The following KDM3B variants were observed in gnomAD, a reference collection of about 807,000 sequenced individuals.
KDM3B encodes lysine demethylase 3B, also known as lysine-specific demethylase 3B.
In KDM3B, 10 loss-of-function variants were observed where a neutral mutation model predicts 170.0. That is an observed-to-expected ratio of 0.06 (90% CI 0.04 to 0.10). KDM3B has a LOEUF of 0.10. KDM3B is among the 10% of genes least tolerant of loss of function. KDM3B has a pLI of 1.00. For synonymous variants in KDM3B, 831 were observed against 834.8 expected, an observed-to-expected ratio of 1.00 and a Z score of 0.08; for missense variants, 1,394 against 2,195.2, an observed-to-expected ratio of 0.64 and a Z score of 7.29.
chr5:138,365,258 TTTTC>T (rs1353048104), intron 1 of KDM3B, among the ~76,000 whole-genome samples: 1 of 152,168 alleles, frequency 6.6e-6, no homozygotes, highest in Non-Finnish European at 1.5e-5. Flanking sequence ...GGATTCTTTT[TTTTC>T]TTTCTTTCTT....
chr5:138,358,285 ATTTT>A (rs1328821275), intron 1 of KDM3B, among the ~76,000 whole-genome samples: 1 of 137,242 alleles, frequency 7.3e-6, no homozygotes, highest in African/African-American at 2.7e-5. Flanking sequence ...CTCGGCGGGA[ATTTT>A]TTTTCTTTCT....
At chr5:138,374,447 A>T in intron 2 of KDM3B, 1 of 283,074 alleles carries the variant, frequency 3.5e-6, no homozygotes, top group Non-Finnish European at 7.2e-6. Context: ...TTTAGTAGAG[A>T]CAGGGTTTCA....
At chr5:138,432,304 T>A (rs1224712452) in intron 23 of KDM3B, among the ~76,000 whole-genome samples, 1 of 152,174 alleles carries the variant, frequency 6.6e-6, no homozygotes, top group African/African-American at 2.4e-5. Flanking sequence ...AAGAACTGTA[T>A]CCCCTTGTAG....
intron 22 of KDM3B, among the ~76,000 whole-genome samples, chr5:138,430,677 G>T (rs2286058): frequency 6.6e-6 from 1 of 152,034 alleles, no homozygotes; most frequent in African/African-American, 2.4e-5. Flanking sequence ...GATCACCTGA[G>T]GTTGGGAGTT....
intron 23 of KDM3B, 30 bp downstream of exon 23, chr5:138,431,589 G>C (rs1367206228): frequency 2.6e-6 from 4 of 1,560,616 alleles, no homozygotes; most frequent in Non-Finnish European, 3.5e-6. Context: ...ACCCCACTCT[G>C]TCTTCTCATT....
intron 14 of KDM3B, among the ~76,000 whole-genome samples, chr5:138,419,718 TACACACACATACACAC>T (rs1763217174): frequency 1.6e-5 from 1 of 63,688 alleles, no homozygotes; most frequent in Non-Finnish European, 2.8e-5. Context: ...CACATATATA[TACACACACATACACAC>T]ACACACACAC....
At chr5:138,354,003 C>G (rs775862581) in intron 1 of KDM3B, among the ~76,000 whole-genome samples, 1 of 152,076 alleles carries the variant, frequency 6.6e-6, no homozygotes, top group Non-Finnish European at 1.5e-5. Flanking sequence ...TGTAATAGAT[C>G]AGCAAGCAGA....
intron 6 of KDM3B, among the ~76,000 whole-genome samples, chr5:138,385,661 G>A (rs1052322848): frequency 2.0e-5 from 3 of 152,206 alleles, no homozygotes; most frequent in African/African-American, 7.2e-5. Flanking sequence ...GTAATAAAGT[G>A]AGTTATTTCA....
At chr5:138,361,270 G>A (rs1336490236) in intron 1 of KDM3B, among the ~76,000 whole-genome samples, 1 of 151,926 alleles carries the variant, frequency 6.6e-6, no homozygotes, top group Non-Finnish European at 1.5e-5. Context: ...CTCTAGGTGG[G>A]TAAAACCTGC....
At chr5:138,432,147 T>TC (rs1303683931) in intron 23 of KDM3B, among the ~76,000 whole-genome samples, 3 of 152,134 alleles carry the variant, frequency 2.0e-5, no homozygotes, top group Non-Finnish European at 2.9e-5. Flanking sequence ...TAGACTGACC[T>TC]CCCCAAACAG....
At chr5:138,402,483 G>A (rs1040912375) in intron 11 of KDM3B, among the ~76,000 whole-genome samples, 4 of 152,140 alleles carry the variant, frequency 2.6e-5, no homozygotes, top group South Asian at 2.1e-4. Context: ...TTTCTTGTCT[G>A]TAAAACAAAG....
chr5:138,406,981 ATTTTTTTT>A (rs745918786), intron 11 of KDM3B, among the ~76,000 whole-genome samples: 4 of 119,048 alleles, frequency 3.4e-5, no homozygotes, highest in African/African-American at 1.3e-4. Context: ...TATGCCAATA[ATTTTTTTT>A]TTTTTTTTTT....
intron 9 of KDM3B, among the ~76,000 whole-genome samples, chr5:138,396,824 AC>A (rs1762559469): frequency 6.6e-6 from 1 of 152,172 alleles, no homozygotes; most frequent in African/African-American, 2.4e-5. Flanking sequence ...GAGGGAATGT[AC>A]CAAGAAACTG....
At chr5:138,370,758 T>C (rs1761852968) in intron 1 of KDM3B, among the ~76,000 whole-genome samples, 2 of 152,104 alleles carry the variant, frequency 1.3e-5, no homozygotes, top group African/African-American at 4.8e-5. Flanking sequence ...GTGGGGATTC[T>C]AATACTGTCC....
At chr5:138,409,667 T>C (rs1561784661) in intron 11 of KDM3B, among the ~76,000 whole-genome samples, 1 of 152,172 alleles carries the variant, frequency 6.6e-6, no homozygotes, top group Non-Finnish European at 1.5e-5. Flanking sequence ...TCTGTAATCC[T>C]AGCACTTTGG....
chr5:138,425,361 C>T (rs1763368396), intron 16 of KDM3B, 50 bp from the exon 17 acceptor site: 2 of 1,576,860 alleles, frequency 1.3e-6, no homozygotes, highest in Non-Finnish European at 1.7e-6. Context: ...AGCCCTAGAG[C>T]TGGAAGTTTT....
At chr5:138,368,046 A>G (rs1188536835) in intron 1 of KDM3B, among the ~76,000 whole-genome samples, 1 of 151,820 alleles carries the variant, frequency 6.6e-6, no homozygotes, top group Admixed American at 6.6e-5. Flanking sequence ...AAACTGTTTA[A>G]CTGTTTTAGT....
At chr5:138,362,035 C>T (rs970322483) in intron 1 of KDM3B, among the ~76,000 whole-genome samples, 1 of 152,010 alleles carries the variant, frequency 6.6e-6, no homozygotes, top group African/African-American at 2.4e-5. Flanking sequence ...AAAAGGAACT[C>T]TAGGCCGGGC....
chr5:138,396,346 C>G (rs1342029741), intron 9 of KDM3B, among the ~76,000 whole-genome samples: 4 of 152,140 alleles, frequency 2.6e-5, no homozygotes, highest in Admixed American at 1.3e-4. Flanking sequence ...CCGCCCGCCT[C>G]AGCCTCCCAA....
Sources: gnomAD v4.1 joint callset for allele counts (sites outside exome capture counted in the v4.1 genomes callset) on GRCh38, gnomAD v4.1.1 for gene constraint, MANE v1.5 for transcripts, NCBI Gene and HGNC (gene_info 2026-07-23, HGNC 2026-07-21) for gene names.